PRMT8: variants seen among roughly 807,000 people sequenced by gnomAD.
PRMT8 encodes protein arginine N-methyltransferase 8.
A neutral mutation model predicts 47.1 loss-of-function variants in PRMT8; 7 were observed. The ratio of observed to expected loss-of-function variants is 0.15; its 90% CI spans 0.08 to 0.28. The LOEUF is 0.28. PRMT8 is among the 10% of genes least tolerant of loss of function. The probability of loss-of-function intolerance (pLI) is 1.00; values close to 1 mark genes in which losing one functional copy is unlikely to be tolerated. For synonymous variants in PRMT8, 188 were observed against 186.5 expected (o/e 1.01, Z -0.07); for missense variants, 237 against 505.4 (o/e 0.47, Z 5.09).
At chr12:3,397,243 A>G (rs372334913) in intron 1 of PRMT8, among the ~76,000 whole-genome samples, 145 of 151,844 alleles carry the variant, frequency 9.5e-4, no homozygotes, top group Non-Finnish European at 1.5e-3. Flanking sequence ...GCTTTGTTCC[A>G]TTGCTGGTGA....
chr12:3,388,068 C>CCTCA (rs1555074529), intron 1 of PRMT8, among the ~76,000 whole-genome samples: 20 of 151,142 alleles, frequency 1.3e-4, no homozygotes, highest in Admixed American at 1.3e-3. Context: ...TCCCTCCCTC[C>CCTCA]CTGTCTGTCT....
At chr12:3,571,170 C>A (rs972473778) in intron 6 of PRMT8, among the ~76,000 whole-genome samples, 1 of 152,200 alleles carries the variant, frequency 6.6e-6, no homozygotes, top group African/African-American at 2.4e-5. Context: ...CCCCTTTCTG[C>A]CCCTGGCTCT....
At chr12:3,531,989 G>A (rs1373320135) in intron 1 of PRMT8, among the ~76,000 whole-genome samples, 2 of 152,126 alleles carry the variant, frequency 1.3e-5, no homozygotes, top group Non-Finnish European at 2.9e-5. Flanking sequence ...AGGGTTCCTA[G>A]GCACCAGCTG....
chr12:3,558,088 T>C (rs1364795058), intron 4 of PRMT8, among the ~76,000 whole-genome samples: 1 of 152,102 alleles, frequency 6.6e-6, no homozygotes, highest in Non-Finnish European at 1.5e-5. Flanking sequence ...GCTACTGCCC[T>C]GCAGCCATTC....
At chr12:3,441,023 A>T (rs1864795901) in intron 1 of PRMT8, among the ~76,000 whole-genome samples, 1 of 152,196 alleles carries the variant, frequency 6.6e-6, no homozygotes. Flanking sequence ...GACAATCATT[A>T]TTAGCAAGCA....
intron 1 of PRMT8, among the ~76,000 whole-genome samples, chr12:3,537,605 C>G (rs1490964771): frequency 6.6e-6 from 1 of 152,152 alleles, no homozygotes; most frequent in Non-Finnish European, 1.5e-5. Flanking sequence ...TATTTCCCCC[C>G]ACCCCAACCT....
At chr12:3,407,185 T>C (rs1304396394) in intron 1 of PRMT8, among the ~76,000 whole-genome samples, 1 of 152,118 alleles carries the variant, frequency 6.6e-6, no homozygotes, top group Non-Finnish European at 1.5e-5. Flanking sequence ...ACTCACTCAC[T>C]ATAACAAGAC....
intron 2 of PRMT8, among the ~76,000 whole-genome samples, chr12:3,543,605 A>G (rs565944603): frequency 6.6e-6 from 1 of 152,270 alleles, no homozygotes; most frequent in South Asian, 2.1e-4. Flanking sequence ...GGTTTGATTG[A>G]TCTGTAAATA....
At chr12:3,542,580 A>G (rs1866250981) in intron 2 of PRMT8, among the ~76,000 whole-genome samples, 1 of 152,174 alleles carries the variant, frequency 6.6e-6, no homozygotes, top group Admixed American at 6.5e-5. Flanking sequence ...GATTCTTGGG[A>G]AAAGAGAGCA....
At chr12:3,541,395 T>C (rs1314295644) in intron 2 of PRMT8, among the ~76,000 whole-genome samples, 4 of 152,214 alleles carry the variant, frequency 2.6e-5, no homozygotes, top group African/African-American at 4.8e-5. Context: ...CTGGCCATAG[T>C]GGGGGCCTAA....
chr12:3,511,413 A>G (rs1865712787), intron 1 of PRMT8, among the ~76,000 whole-genome samples: 1 of 152,160 alleles, frequency 6.6e-6, no homozygotes, highest in Non-Finnish European at 1.5e-5. Flanking sequence ...GACAATCTGA[A>G]CTTTCTGGGT....
chr12:3,406,299 C>T (rs1405177507), intron 1 of PRMT8, among the ~76,000 whole-genome samples: 1 of 152,212 alleles, frequency 6.6e-6, no homozygotes, highest in African/African-American at 2.4e-5. Flanking sequence ...GGCCTCTTGG[C>T]CTGTGATGGG....
chr12:3,472,810 C>G (rs1428754215), intron 1 of PRMT8, among the ~76,000 whole-genome samples: 1 of 152,052 alleles, frequency 6.6e-6, no homozygotes, highest in Non-Finnish European at 1.5e-5. Flanking sequence ...CTCTTCACCA[C>G]CCAGGGAACT....
intron 1 of PRMT8, among the ~76,000 whole-genome samples, chr12:3,448,297 G>T (rs1864879709): frequency 1.3e-5 from 2 of 152,176 alleles, no homozygotes; most frequent in Non-Finnish European, 2.9e-5. Context: ...GAGCCACCAT[G>T]CTTGGTTCCC....
chr12:3,534,848 A>G (rs983209337), intron 1 of PRMT8, among the ~76,000 whole-genome samples: 7 of 152,238 alleles, frequency 4.6e-5, no homozygotes, highest in Non-Finnish European at 1.0e-4. Context: ...GTTTTGGCAT[A>G]AAACAGATAC....
In PRMT8 at chr12:3,464,973, A is replaced by C. The variant is rs7956159; in HGVS notation, c.49-75633A>C. ...AACCCTGTCTCTACTAAAAATGCAA[A>C]ATTAGCCGGGCGTGGTGGTGCATGC... On this transcript the variant is annotated intron_variant, in intron 1 of 9. Coordinates refer to the PRMT8 transcript ENST00000452611. Among the ~76,000 whole-genome samples the C allele has an allele frequency of 2.0e-5, 3 of 151,570 alleles. No individual in the cohort carries two copies. In the South Asian group the frequency reaches 6.3e-4, roughly 32 times the overall value.
intron 1 of PRMT8, among the ~76,000 whole-genome samples, chr12:3,439,200 T>A (rs1472267619): frequency 1.3e-5 from 2 of 152,258 alleles, no homozygotes; most frequent in Non-Finnish European, 2.9e-5. Flanking sequence ...TCTAACTCTG[T>A]TCTATATTTT....
intron 4 of PRMT8, among the ~76,000 whole-genome samples, chr12:3,558,477 AT>A (rs1437361114): frequency 1.3e-5 from 2 of 152,112 alleles, no homozygotes. Context: ...TCATTACCTA[AT>A]GCCCAGATCC....
chr12:3,537,720 C>T (rs1295159954), intron 1 of PRMT8, among the ~76,000 whole-genome samples: 2 of 152,204 alleles, frequency 1.3e-5, no homozygotes, highest in Non-Finnish European at 2.9e-5. Flanking sequence ...CCTCTCTCTT[C>T]CCCTACATTT....
Sources: gnomAD v4.1 joint callset for allele counts (sites outside exome capture counted in the v4.1 genomes callset) on GRCh38, gnomAD v4.1.1 for gene constraint, MANE v1.5 for transcripts, NCBI Gene and HGNC (gene_info 2026-07-23, HGNC 2026-07-21) for gene names.